PTPRJ: variants seen among roughly 807,000 people sequenced by gnomAD.
PTPRJ encodes the protein protein tyrosine phosphatase receptor type J.
In PTPRJ, 129 loss-of-function variants were observed where a neutral mutation model predicts 141.3. The observed-to-expected ratio is 0.91, with a 90% CI of 0.79 to 1.06. The LOEUF is 1.06. Ranked by LOEUF, PTPRJ falls within the 50% of genes least tolerant of loss-of-function variation. PTPRJ has a pLI of 0.00. For synonymous variants in PTPRJ, 610 were observed against 640.5 expected (o/e 0.95, Z 0.72); for missense variants, 1,601 against 1,679.7 (o/e 0.95, Z 0.82).
intron 6 of PTPRJ, among the ~76,000 whole-genome samples, chr11:48,127,207 G>A (rs1368190757): frequency 6.6e-6 from 1 of 152,234 alleles, no homozygotes; most frequent in Non-Finnish European, 1.5e-5. Flanking sequence ...TGAGGGAAGG[G>A]CAGTGGATAT....
chr11:47,992,535 A>G (rs1239096308), intron 1 of PTPRJ, among the ~76,000 whole-genome samples: 4 of 152,196 alleles, frequency 2.6e-5, no homozygotes, highest in Admixed American at 6.5e-5. Flanking sequence ...GGAGTCCTCC[A>G]GTTTGGTTCA....
intron 1 of PTPRJ, among the ~76,000 whole-genome samples, chr11:48,045,360 A>G (rs1304548745): frequency 6.6e-6 from 1 of 152,156 alleles, no homozygotes; most frequent in African/African-American, 2.4e-5. Context: ...GTGACCCTGG[A>G]CTATGAATAT....
At chr11:48,089,444 A>G (rs1386501065) in intron 1 of PTPRJ, among the ~76,000 whole-genome samples, 2 of 146,648 alleles carry the variant, frequency 1.4e-5, no homozygotes, top group Non-Finnish European at 3.0e-5. Flanking sequence ...TGAACCCGGG[A>G]GGCAGAGGTT....
Position 47,991,800 on chromosome 11 carries a change from A to C in PTPRJ, c.96+10792A>C, listed in dbSNP as rs538429280. ...AATGCTTGGAGTCTCTTCTGTCCTC[A>C]TCTGTATGATGGGGATAACAAGAAT... On this transcript the variant is annotated intron_variant, in intron 1 of 24. Coordinates refer to ENST00000418331, the MANE Select transcript of PTPRJ (RefSeq NM_002843.4). 2.6e-5 allele frequency among the ~76,000 whole-genome samples: 4 copies of C among 152,192 alleles called. No homozygotes were observed. In the South Asian group the frequency reaches 8.3e-4, roughly 32 times the overall value.
intron 1 of PTPRJ, among the ~76,000 whole-genome samples, chr11:48,029,521 T>TA (rs1269507818): frequency 6.6e-6 from 1 of 152,196 alleles, no homozygotes; most frequent in Non-Finnish European, 1.5e-5. Context: ...CCGCATCTCT[T>TA]ATATGTTACA....
At chr11:48,027,442 G>A (rs1220823648) in intron 1 of PTPRJ, among the ~76,000 whole-genome samples, 4 of 151,946 alleles carry the variant, frequency 2.6e-5, no homozygotes, top group Admixed American at 1.3e-4. Flanking sequence ...TAGAATCTCC[G>A]TATTGTTGCT....
intron 1 of PTPRJ, among the ~76,000 whole-genome samples, chr11:48,088,447 C>G (rs1855772811): frequency 6.6e-6 from 1 of 152,178 alleles, no homozygotes; most frequent in South Asian, 2.1e-4. Flanking sequence ...ACCGGACTCT[C>G]CTGGTGACAG....
intron 1 of PTPRJ, chr11:48,014,745 G>A (rs1400485740): frequency 6.6e-6 from 1 of 152,116 alleles, no homozygotes; most frequent in Non-Finnish European, 1.5e-5. Flanking sequence ...TGTTACCCAG[G>A]CTGGAGTACA....
intron 10 of PTPRJ, among the ~76,000 whole-genome samples, chr11:48,137,816 G>C (rs1033934676): frequency 2.0e-5 from 3 of 152,168 alleles, no homozygotes; most frequent in Non-Finnish European, 2.9e-5. Flanking sequence ...ATGATATCTG[G>C]CATTGGTTTG....
chr11:48,144,596 A>G (rs1477028445), intron 12 of PTPRJ, 79 bp from the exon 13 acceptor site: 2 of 1,154,388 alleles, frequency 1.7e-6, no homozygotes, highest in African/African-American at 3.0e-5. Flanking sequence ...ACCCAACATC[A>G]CCACCATGTA....
intron 24 of PTPRJ, among the ~76,000 whole-genome samples, chr11:48,166,760 G>A (rs1471502242): frequency 6.6e-6 from 1 of 152,060 alleles, no homozygotes; most frequent in Admixed American, 6.6e-5. Flanking sequence ...CTGAAGGATA[G>A]TCCTCATCCA....
intron 1 of PTPRJ, among the ~76,000 whole-genome samples, chr11:48,032,634 C>T (rs1193502527): frequency 6.6e-6 from 1 of 152,168 alleles, no homozygotes; most frequent in Non-Finnish European, 1.5e-5. Context: ...TGGCACATGC[C>T]TGTAATCCCA....
At chr11:48,159,123 G>GGGTGTGTGTCTGTGTGTA (rs1555058316) in intron 21 of PTPRJ, among the ~76,000 whole-genome samples, 1 of 139,468 alleles carries the variant, frequency 7.2e-6, no homozygotes, top group African/African-American at 2.7e-5. Flanking sequence ...TGTATGTGGG[G>GGGTGTGTGTCTGTGTGTA]TGTGTGTGTG....
intron 1 of PTPRJ, among the ~76,000 whole-genome samples, chr11:48,031,944 C>T (rs538081044): frequency 2.0e-5 from 3 of 152,268 alleles, no homozygotes; most frequent in African/African-American, 7.2e-5. Context: ...TGCACCCTCC[C>T]CACCCCCGTC....
intron 17 of PTPRJ, 37 bp from the exon 18 acceptor site, chr11:48,150,059 T>C: frequency 3.2e-6 from 5 of 1,573,454 alleles, no homozygotes; most frequent in Admixed American, 1.7e-5. Flanking sequence ...TGGACTTCAC[T>C]GAATGTAAAA....
intron 3 of PTPRJ, among the ~76,000 whole-genome samples, chr11:48,119,224 A>G (rs1856645125): frequency 6.6e-6 from 1 of 152,030 alleles, no homozygotes; most frequent in Non-Finnish European, 1.5e-5. Context: ...TTGTAAATGG[A>G]AGCACAGTGG....
chr11:48,125,742 G>A (rs1490729058), intron 6 of PTPRJ, among the ~76,000 whole-genome samples: 1 of 152,210 alleles, frequency 6.6e-6, no homozygotes. Context: ...CTTAGAGGTA[G>A]TTACTGGCCA....
At chr11:48,084,735 G>A (rs185767077) in intron 1 of PTPRJ, among the ~76,000 whole-genome samples, 1 of 152,240 alleles carries the variant, frequency 6.6e-6, no homozygotes, top group Non-Finnish European at 1.5e-5. Context: ...AGTACGTAGT[G>A]TGACCTCTAG....
intron 1 of PTPRJ, among the ~76,000 whole-genome samples, chr11:48,038,095 C>T (rs935066778): frequency 6.6e-6 from 1 of 152,002 alleles, no homozygotes; most frequent in African/African-American, 2.4e-5. Context: ...TTGTATGGAG[C>T]GCTTTTCTAT....
Sources: gnomAD v4.1 joint callset for allele counts (sites outside exome capture counted in the v4.1 genomes callset) on GRCh38, gnomAD v4.1.1 for gene constraint, MANE v1.5 for transcripts, NCBI Gene and HGNC (gene_info 2026-07-23, HGNC 2026-07-21) for gene names.